DNAH6: variants seen among roughly 807,000 people sequenced by gnomAD.
The protein encoded by DNAH6 is dynein axonemal heavy chain 6.
Under a neutral mutation model 491.4 loss-of-function variants are expected in DNAH6, and 340 were observed. That is an observed-to-expected ratio of 0.69 (90% CI 0.63 to 0.76). The LOEUF (loss-of-function observed/expected upper bound fraction) is 0.76. Among genes scored for constraint, DNAH6 ranks in the 30% least tolerant of loss-of-function variants. The pLI, the probability that DNAH6 is intolerant of heterozygous loss-of-function variation, is 0.00. For synonymous variants in DNAH6, 1,603 were observed against 1,686.1 expected, an observed-to-expected ratio of 0.95 and a Z score of 1.21; for missense variants, 4,443 against 4,972.2, an observed-to-expected ratio of 0.89 and a Z score of 3.20.
Position 84,571,620 on chromosome 2 carries a change from T to G in DNAH6, c.1804-1847T>G, listed in dbSNP as rs572572102. Among the ~76,000 whole-genome samples, 48 of 152,112 alleles carry G rather than the reference T, an allele frequency of 3.2e-4. 1 individual carries two copies. Among genetic ancestry groups the G allele is most frequent in the East Asian group, 9.7e-4 (5 of 5,166 alleles). On this transcript the variant is annotated intron_variant, in intron 11 of 76. Coordinates refer to ENST00000389394, the MANE Select transcript of DNAH6 (RefSeq NM_001370.2). ...AGAAAGATTGAGATATTGTCCCACA[T>G]TAAAGAAAACCATCCAGGCGCAGTG...
At chr2:84,746,093 A>T (rs566524245) in intron 63 of DNAH6, among the ~76,000 whole-genome samples, 1 of 152,294 alleles carries the variant, frequency 6.6e-6, no homozygotes, top group African/African-American at 2.4e-5. Context: ...GTAATGTGTG[A>T]GAGAGAGATG....
At chr2:84,801,974 A>C (rs940072644) in intron 70 of DNAH6, among the ~76,000 whole-genome samples, 1 of 152,170 alleles carries the variant, frequency 6.6e-6, no homozygotes, top group African/African-American at 2.4e-5. Context: ...CTTATAAACA[A>C]AAAACAAATA....
At position 84,614,790 on chromosome 2, in the gene DNAH6, A is replaced by G. The variant is rs564690004; in HGVS notation, c.3476-2096A>G. Among the ~76,000 whole-genome samples the G allele has an allele frequency of 3.3e-5, 5 of 152,004 alleles. No individual in the cohort carries two copies. The South Asian group carries it at 1.0e-3, about 32-fold the overall frequency. ...TCCCTGATCATTAGTGATGTTGAGC[A>G]TTTTTCATGTTTATAGCCCATTTGT... On this transcript the variant is annotated intron_variant, in intron 22 of 76. Coordinates refer to ENST00000389394, the MANE Select transcript of DNAH6 (RefSeq NM_001370.2).
chr2:84,805,771 C>G lies in DNAH6; in HGVS notation c.11588C>G (p.Ala3863Gly). Residue 3863 changes from alanine (A) to glycine (G), a missense_variant, in exon 71 of 77, where the codon GCT becomes GGT. Ala to Gly is a moderately conservative substitution (Grantham distance 60). Transcript: ENST00000389394. ...GACGAAATTGTTCAAGAACTTGTTG[C>G]TTCTGTCCAGACCAGAGTTCCAGGT... ...SNDEIVQELV[A>G]SVQTRVPEKL... 6.4e-7 allele frequency: 1 copy of G among 1,551,416 alleles called. No individual in the cohort carries two copies. The highest frequency in any genetic ancestry group is 8.7e-7 in the Non-Finnish European group (1 of 1,146,832).
chr2:84,678,204 G>A (rs1276595904), intron 41 of DNAH6, among the ~76,000 whole-genome samples: 3 of 152,136 alleles, frequency 2.0e-5, no homozygotes, highest in African/African-American at 4.8e-5. Context: ...TGCCAAAATG[G>A]TATATAAAAA....
chr2:84,816,798 C>G (rs922536726), intron 76 of DNAH6, among the ~76,000 whole-genome samples: 16 of 152,126 alleles, frequency 1.1e-4, no homozygotes, highest in Non-Finnish European at 2.2e-4. Flanking sequence ...AACTGAGATA[C>G]AGCCCTGAAA....
chr2:84,535,124 C>T (rs1474373880), intron 4 of DNAH6, among the ~76,000 whole-genome samples: 4 of 151,808 alleles, frequency 2.6e-5, no homozygotes, highest in African/African-American at 9.7e-5. Context: ...CTTACCACAT[C>T]CTTGAGTTTT....
At chr2:84,550,189 C>A in intron 9 of DNAH6, 132 bp downstream of exon 9, 1 of 705,490 alleles carries the variant, frequency 1.4e-6, no homozygotes, top group Non-Finnish European at 2.2e-6. Context: ...CGGCCCCCAA[C>A]ATTTTGGACA....
chr2:84,603,632 C>A (rs1050074698), intron 18 of DNAH6, among the ~76,000 whole-genome samples: 1 of 152,158 alleles, frequency 6.6e-6, no homozygotes, highest in Non-Finnish European at 1.5e-5. Context: ...AGGTGCTCCT[C>A]CCCCTTTTCC....
At chr2:84,746,783 G>A (rs931525186) in intron 63 of DNAH6, among the ~76,000 whole-genome samples, 11 of 152,192 alleles carry the variant, frequency 7.2e-5, no homozygotes, top group Middle Eastern at 3.4e-3. Context: ...ACAGTTCTGC[G>A]GCTGTACAAG....
chr2:84,465,167 A>G, the DNAH6 span, among the ~76,000 whole-genome samples: 146,966 of 152,250 alleles, frequency 0.97, 70,981 homozygotes, highest in East Asian at 1. Context: ...TTTGACAAAA[A>G]GTGATATCTG....
At chr2:84,481,370 G>C in the DNAH6 span, among the ~76,000 whole-genome samples, 1 of 152,106 alleles carries the variant, frequency 6.6e-6, no homozygotes, top group East Asian at 1.9e-4. Context: ...AAGATAAAAT[G>C]GTAAGTAGAA....
At chr2:84,665,107 A>C (rs1280929309) in intron 37 of DNAH6, among the ~76,000 whole-genome samples, 1 of 152,254 alleles carries the variant, frequency 6.6e-6, no homozygotes. Flanking sequence ...CAGTGTGTAG[A>C]GGGAAATTTA....
rs773303243 is a variant in DNAH6 at position 84,727,906 on chromosome 2, C to G, written c.10206+4C>G. On this transcript the variant is annotated splice_donor_region_variant and intron_variant, in intron 61 of 76. Coordinates refer to ENST00000389394, the MANE Select transcript of DNAH6 (RefSeq NM_001370.2). Reference sequence around the variant, plus strand: ...AGGTTCTGCAGGATTGGAAAAGGTACCTGATTCCCATTTAGGTGATGATTG... The same window carrying G: ...AGGTTCTGCAGGATTGGAAAAGGTAGCTGATTCCCATTTAGGTGATGATTG... 4 of 1,521,650 alleles carry G rather than the reference C, an allele frequency of 2.6e-6. No homozygotes were observed. The South Asian group carries it at 4.8e-5, about 18-fold the overall frequency. The allele number at this position is 1,521,650 out of a possible 1,614,324, so 94.3% of individuals were successfully genotyped here.
chr2:84,744,812 T>C (rs1444511837), intron 62 of DNAH6, among the ~76,000 whole-genome samples: 2 of 152,232 alleles, frequency 1.3e-5, no homozygotes, highest in Non-Finnish European at 2.9e-5. Context: ...TTTGCTTAAG[T>C]ATCTCTATGC....
chr2:84,632,512 C>T (rs1460554980), intron 29 of DNAH6, among the ~76,000 whole-genome samples: 1 of 152,198 alleles, frequency 6.6e-6, no homozygotes, highest in Non-Finnish European at 1.5e-5. Context: ...AGATCAAGAT[C>T]TGGAATTTTC....
chr2:84,532,892 T>C (rs1677311569), intron 4 of DNAH6, among the ~76,000 whole-genome samples: 1 of 152,200 alleles, frequency 6.6e-6, no homozygotes, highest in Admixed American at 6.5e-5. Context: ...ATTCCCTTAT[T>C]AACTAACTCT....
intron 64 of DNAH6, among the ~76,000 whole-genome samples, chr2:84,775,168 G>A (rs1021802126): frequency 6.6e-6 from 1 of 152,084 alleles, no homozygotes; most frequent in East Asian, 1.9e-4. Flanking sequence ...TTAATATTTT[G>A]AAGTATGTCC....
Position 84,796,328 on chromosome 2 carries a change from A to G in DNAH6, c.11262A>G (p.Arg3754=). The change falls in exon 69 of 77, where the codon AGA becomes AGG. Residue 3754 remains arginine (R), a synonymous_variant. Coordinates refer to ENST00000389394, the MANE Select transcript of DNAH6 (RefSeq NM_001370.2). The part of the protein sequence containing the change: ...YITGEITYGG[R]VTDSWDQRCL... ...CAGGTGAAATTACTTATGGTGGTAG[A>G]GTCACAGACAGCTGGGACCAAAGAT... 6.6e-7 allele frequency: 1 copy of G among 1,514,660 alleles called. No individual in the cohort carries two copies. 93.8% of individuals were successfully genotyped at this position (1,514,660 alleles called of 1,614,324 possible).
Sources: gnomAD v4.1 joint callset for allele counts (sites outside exome capture counted in the v4.1 genomes callset) on GRCh38, gnomAD v4.1.1 for gene constraint, MANE v1.5 for transcripts, NCBI Gene and HGNC (gene_info 2026-07-23, HGNC 2026-07-21) for gene names.